The following RBFOX3 variants were observed in gnomAD, a reference collection of about 807,000 sequenced individuals.
RBFOX3 encodes the protein RNA binding fox-1 homolog 3.
Under a neutral mutation model 48.7 loss-of-function variants are expected in RBFOX3, and 17 were observed. The observed-to-expected ratio is 0.35, with a 90% CI of 0.24 to 0.52. RBFOX3 has a LOEUF of 0.52. Ranked by LOEUF, RBFOX3 falls within the 20% of genes least tolerant of loss-of-function variation. The pLI is 0.94. For synonymous variants in RBFOX3, 212 were observed against 209.5 expected, an observed-to-expected ratio of 1.01 and a Z score of -0.10; for missense variants, 382 against 497.5, an observed-to-expected ratio of 0.77 and a Z score of 2.21.
At chr17:79,112,358 CG>C (rs762721610) in intron 5 of RBFOX3, among the ~76,000 whole-genome samples, 20 of 152,172 alleles carry the variant, frequency 1.3e-4, no homozygotes, top group Non-Finnish European at 2.8e-4. Flanking sequence ...GTGGAGGTGT[CG>C]GGAAAGGCCC....
intron 2 of RBFOX3, among the ~76,000 whole-genome samples, chr17:79,478,737 T>C (rs2078339532): frequency 6.6e-6 from 1 of 152,230 alleles, no homozygotes; most frequent in Admixed American, 6.5e-5. Flanking sequence ...ATCTCTTCCC[T>C]GTGGACCTGA....
At chr17:79,380,569 G>C (rs1168388467) in intron 2 of RBFOX3, among the ~76,000 whole-genome samples, 1 of 152,204 alleles carries the variant, frequency 6.6e-6, no homozygotes, top group Admixed American at 6.5e-5. Flanking sequence ...AGAGAGCAGG[G>C]ACCGTTTACT....
At chr17:79,454,080 C>T (rs782008191) in intron 2 of RBFOX3, among the ~76,000 whole-genome samples, 5 of 152,104 alleles carry the variant, frequency 3.3e-5, no homozygotes, top group Non-Finnish European at 5.9e-5. Flanking sequence ...CTCTCAGATG[C>T]GCCAGGGGAG....
At chr17:79,123,615 G>A (rs1370415693) in intron 4 of RBFOX3, among the ~76,000 whole-genome samples, 1 of 152,148 alleles carries the variant, frequency 6.6e-6, no homozygotes, top group Admixed American at 6.5e-5. Flanking sequence ...GAAGAAAGAC[G>A]TCTCGGTGGG....
At chr17:79,295,667 C>G (rs2074220763) in intron 3 of RBFOX3, among the ~76,000 whole-genome samples, 1 of 152,190 alleles carries the variant, frequency 6.6e-6, no homozygotes, top group African/African-American at 2.4e-5. Flanking sequence ...CCACATCACA[C>G]TTGGTTTCCT....
intron 3 of RBFOX3, among the ~76,000 whole-genome samples, chr17:79,302,737 A>G (rs1038265410): frequency 1.3e-5 from 2 of 152,194 alleles, no homozygotes; most frequent in Non-Finnish European, 2.9e-5. Flanking sequence ...GGCTTCATAT[A>G]CCATTGAACT....
chr17:79,593,114 A>G (rs1046674622), intron 1 of RBFOX3, among the ~76,000 whole-genome samples: 11 of 152,148 alleles, frequency 7.2e-5, no homozygotes, highest in Non-Finnish European at 1.5e-5. Flanking sequence ...GGAGGGGTGC[A>G]GGTGCAGAAG....
intron 2 of RBFOX3, among the ~76,000 whole-genome samples, chr17:79,406,593 T>TAACAA (rs771094710): frequency 6.6e-6 from 1 of 152,160 alleles, no homozygotes; most frequent in Non-Finnish European, 1.5e-5. Flanking sequence ...TGGGGACAAT[T>TAACAA]AACAAACGGT....
At chr17:79,215,433 G>A (rs560723955) in intron 4 of RBFOX3, among the ~76,000 whole-genome samples, 3 of 152,316 alleles carry the variant, frequency 2.0e-5, no homozygotes, top group African/African-American at 2.4e-5. Context: ...CAAGGACGTA[G>A]CACTGTCAAC....
intron 4 of RBFOX3, among the ~76,000 whole-genome samples, chr17:79,128,171 C>T (rs1024777788): frequency 6.6e-6 from 1 of 152,230 alleles, no homozygotes; most frequent in African/African-American, 2.4e-5. Flanking sequence ...GGGTCCCCCA[C>T]TTGGCCTCTA....
the RBFOX3 span, among the ~76,000 whole-genome samples, chr17:79,616,385 A>C: frequency 5.9e-3 from 891 of 151,860 alleles, 9 homozygotes; most frequent in African/African-American, 0.02. Flanking sequence ...AAAATACAAA[A>C]ATTAGCCGGG....
intron 4 of RBFOX3, among the ~76,000 whole-genome samples, chr17:79,176,392 A>G (rs1299773313): frequency 6.6e-6 from 1 of 152,136 alleles, no homozygotes; most frequent in African/African-American, 2.4e-5. Flanking sequence ...GCACCCCCCA[A>G]GCAGGGCCCA....
rs555010346 is a variant in RBFOX3 at position 79,414,746 on chromosome 17, C to T, written c.-175+67708G>A. On this transcript the variant is annotated intron_variant, in intron 2 of 14. Transcript: ENST00000693108. ...GGCACCTGGGAAGACAGCGTGCCCA[C>T]GGGAGGACTGAACAGCCTCTGCACT... Among the ~76,000 whole-genome samples the T allele has an allele frequency of 3.3e-5, 5 of 152,310 alleles. No homozygotes were observed. The East Asian group carries it at 5.8e-4, about 18-fold the overall frequency.
intron 4 of RBFOX3, among the ~76,000 whole-genome samples, chr17:79,117,864 G>C (rs927827283): frequency 6.6e-6 from 1 of 152,218 alleles, no homozygotes; most frequent in South Asian, 2.1e-4. Context: ...AGAGAACAAT[G>C]ACCCGATGTC....
chr17:79,517,594 A>G (rs944839391), intron 1 of RBFOX3, among the ~76,000 whole-genome samples: 146 of 152,258 alleles, frequency 9.6e-4, no homozygotes, highest in African/African-American at 2.6e-3. Context: ...CAGTGCTTCA[A>G]TTACTCAGCA....
At chr17:79,201,692 G>A (rs2703529) in intron 4 of RBFOX3, among the ~76,000 whole-genome samples, 8,089 of 152,188 alleles carry the variant, frequency 0.053, 265 homozygotes, top group Non-Finnish European at 0.067. Context: ...CTTGCCCCTC[G>A]GAGGTGGCGG....
chr17:79,564,447 G>C (rs1333037686), intron 1 of RBFOX3, among the ~76,000 whole-genome samples: 1 of 152,164 alleles, frequency 6.6e-6, no homozygotes, highest in South Asian at 2.1e-4. Context: ...TGGCTGGTGG[G>C]GGCTGGTGTG....
chr17:79,140,947 A>G (rs2041797146), intron 4 of RBFOX3, among the ~76,000 whole-genome samples: 1 of 152,104 alleles, frequency 6.6e-6, no homozygotes, highest in Non-Finnish European at 1.5e-5. Context: ...CTCTCCTACC[A>G]ATGCTGAAGA....
At chr17:79,642,486 T>C in the RBFOX3 span, among the ~76,000 whole-genome samples, 1 of 152,190 alleles carries the variant, frequency 6.6e-6, no homozygotes, top group East Asian at 1.9e-4. Context: ...TATATACAAT[T>C]TTTATTTGTC....
Sources: allele counts gnomAD v4.1 joint callset (sites outside exome capture counted in the v4.1 genomes callset), GRCh38; gene constraint gnomAD v4.1.1; transcripts MANE v1.5; gene names NCBI Gene and HGNC (gene_info 2026-07-23, HGNC 2026-07-21).